LRRC46: variants seen among roughly 807,000 people sequenced by gnomAD.
The protein encoded by LRRC46 is leucine rich repeat containing 46.
A neutral mutation model predicts 28.0 loss-of-function variants in LRRC46; 20 were observed. That is an observed-to-expected ratio of 0.71 (90% CI 0.50 to 1.04). LRRC46 has a LOEUF of 1.04. Among genes scored for constraint, LRRC46 ranks in the 50% least tolerant of loss-of-function variants. The probability of loss-of-function intolerance (pLI) is 0.00; values close to 1 mark genes in which losing one functional copy is unlikely to be tolerated. For synonymous variants in LRRC46, 156 were observed against 158.8 expected, an observed-to-expected ratio of 0.98 and a Z score of 0.13; for missense variants, 315 against 390.1, an observed-to-expected ratio of 0.81 and a Z score of 1.62.
At position 47,836,322 on chromosome 17, in the gene LRRC46, C is replaced by CG; in HGVS notation, c.453-11_453-10insG. The stretch of plus-strand genomic sequence containing the variant: ...CCCTCCTGGGTAACCTCTGCTCCTT[C>CG]TGCTCTGCAGCGAGCTGGTGACAGA... On this transcript the variant is annotated splice_polypyrimidine_tract_variant and intron_variant, in intron 6 of 7. Transcript: ENST00000269025. The surrounding 1 kb of genome is among the most constrained non-coding windows in gnomAD (Gnocchi z 5.8). 2 of 1,613,490 alleles carry CG rather than the reference C, an allele frequency of 1.2e-6. No homozygotes were observed. The highest frequency in any genetic ancestry group is 1.7e-6 in the Non-Finnish European group (2 of 1,179,898).
At chr17:47,834,318 C>A in intron 2 of LRRC46, 107 bp from the exon 3 acceptor site, 1 of 869,088 alleles carries the variant, frequency 1.2e-6, no homozygotes, top group Non-Finnish European at 1.8e-6. Context: ...AATGACTCAG[C>A]CAACTACCCC....
Position 47,835,761 on chromosome 17 carries a change from A to C in LRRC46, c.368A>C (p.Glu123Ala), listed in dbSNP as rs1166414815. The C allele has an allele frequency of 6.2e-7, 1 of 1,614,022 alleles. No individual in the cohort carries two copies. The highest frequency in any genetic ancestry group is 1.3e-5 in the African/African-American group (1 of 74,932). ...CTGGACCTTTCTGAGAACCTGATAG[A>C]AACATTGAAGCTGGGTAGGAACCCA... ...QFLDLSENLI[E>A]TLKLDEFPQS... Residue 123 changes from glutamate to alanine, a missense_variant, in exon 5 of 8, where the codon GAA becomes GCA. By Grantham distance (107) the Glu-to-Ala change is moderately radical (BLOSUM62 -1). Coordinates refer to ENST00000269025, the MANE Select transcript of LRRC46 (RefSeq NM_033413.4).
chr17:47,831,779 C>A lies in LRRC46; in HGVS notation c.-211C>A. 1 of 672,398 alleles carries A rather than the reference C, an allele frequency of 1.5e-6. No individual in the cohort carries two copies. The highest frequency in any genetic ancestry group is 2.6e-6 in the Non-Finnish European group (1 of 391,154). 41.7% of individuals were successfully genotyped at this position (672,398 alleles called of 1,614,324 possible). On this transcript the variant is annotated 5_prime_UTR_variant, in exon 1 of 8. Transcript: ENST00000269025. Reference sequence around the variant, plus strand: ...TTGCTGCCAGCAAAGCCCCTCCACACCCCTCAAACTCCAGACCCTTCACAT... The same window carrying A: ...TTGCTGCCAGCAAAGCCCCTCCACAACCCTCAAACTCCAGACCCTTCACAT...
At position 47,835,433 on chromosome 17, in the gene LRRC46, G is replaced by A. The variant is rs375116630; in HGVS notation, c.272+34G>A. 26 of 1,612,188 alleles carry A rather than the reference G, an allele frequency of 1.6e-5. No homozygotes were observed. In the African/African-American group the frequency reaches 3.5e-4, roughly 22 times the overall value. On this transcript the variant is annotated intron_variant, in intron 4 of 7. Coordinates refer to ENST00000269025, the MANE Select transcript of LRRC46 (RefSeq NM_033413.4). ...TGCCAGGGCTCAGGCAGGGGAAGAG[G>A]GGTTGGGGGAACCTAGCCATATCCC...
Position 47,832,202 on chromosome 17 carries a change from A to C in LRRC46, c.113A>C (p.Lys38Thr), listed in dbSNP as rs1338389769. The change falls in exon 2 of 8, where the codon AAG becomes ACG. Residue 38 changes from lysine to threonine, a missense_variant. Lys to Thr is a moderately conservative substitution (Grantham distance 78). Transcript: ENST00000269025. ...CCTGAAGATGGGGAACTGTCAGAGA[A>C]GATGTGAGTGCATGGGGGAGAAAAG... ...TFPEDGELSE[K>T]MFHTLDELQT... The C allele has an allele frequency of 6.3e-7, 1 of 1,587,324 alleles. No homozygotes were observed. The highest frequency in any genetic ancestry group is 8.6e-7 in the Non-Finnish European group (1 of 1,164,792).
rs201308324 is a variant in LRRC46, at chr17:47,832,172, C to G, written c.83C>G (p.Thr28Ser). ...TEALITKRNL[T>S]FPEDGELSEK... ...GCCCTTATCACTAAGCGGAACTTGACTTTCCCTGAAGATGGGGAACTGTCA... is the reference window on the plus strand; with the variant it reads ...GCCCTTATCACTAAGCGGAACTTGAGTTTCCCTGAAGATGGGGAACTGTCA... Residue 28 changes from threonine (T) to serine (S), a missense_variant, in exon 2 of 8, where the codon ACT (threonine) becomes AGT (serine). Transcript: ENST00000269025. The G allele has an allele frequency of 5.7e-5, 91 of 1,601,718 alleles. No individual in the cohort carries two copies. The Middle Eastern group carries it at 2.5e-3, about 44-fold the overall frequency.
At chr17:47,834,014 G>T (rs1003885174) in intron 2 of LRRC46, 2 of 988,980 alleles carry the variant, frequency 2.0e-6, no homozygotes, top group African/African-American at 3.5e-5. Flanking sequence ...GATGGAACAA[G>T]TGCTTTTTTC....
Position 47,832,170 on chromosome 17 carries a change from G to C in LRRC46, c.81G>C (p.Leu27Phe), listed in dbSNP as rs1426369751. The part of the protein sequence containing the change: ...ITEALITKRN[L>F]TFPEDGELSE... Reference sequence around the variant, plus strand: ...AAGCCCTTATCACTAAGCGGAACTTGACTTTCCCTGAAGATGGGGAACTGT... The same window carrying C: ...AAGCCCTTATCACTAAGCGGAACTTCACTTTCCCTGAAGATGGGGAACTGT... Residue 27 changes from leucine (L) to phenylalanine (F), a missense_variant, in exon 2 of 8, where the codon TTG becomes TTC. Leu to Phe is a conservative substitution (Grantham distance 22). Transcript: ENST00000269025. 1 of 1,601,458 alleles carries C rather than the reference G, an allele frequency of 6.2e-7. No homozygotes were observed. Among genetic ancestry groups the C allele is most frequent in the Admixed American group, 1.7e-5 (1 of 58,330 alleles).
rs141535404 is a variant in LRRC46, at chr17:47,835,237, C to T, written c.226-116C>T. ...GTTCAAGGAGTGGGGTGATCATTCC[C>T]AAAGTGCCAGATCTCCAGCTGCAGA... On this transcript the variant is annotated intron_variant, in intron 3 of 7. Coordinates refer to ENST00000269025, the MANE Select transcript of LRRC46 (RefSeq NM_033413.4). 2.8e-4 allele frequency: 300 copies of T among 1,074,170 alleles called. 1 individual carries two copies. In the African/African-American group the frequency reaches 4.2e-3, roughly 15 times the overall value. The allele number at this position is 1,074,170 out of a possible 1,614,324, so 66.5% of individuals were successfully genotyped here.
Position 47,836,326 on chromosome 17 carries a change from T to TG in LRRC46, c.453-7_453-6insG. 1.2e-6 allele frequency: 2 copies of TG among 1,613,524 alleles called. No individual in the cohort carries two copies. The highest frequency in any genetic ancestry group is 1.7e-6 in the Non-Finnish European group (2 of 1,179,940). On this transcript the variant is annotated splice_polypyrimidine_tract_variant and splice_region_variant and intron_variant, in intron 6 of 7. Coordinates refer to ENST00000269025, the MANE Select transcript of LRRC46 (RefSeq NM_033413.4). This position sits in a 1 kb window ranked among gnomAD's most constrained non-coding sequence, Gnocchi z 5.8. Reference sequence around the variant, plus strand: ...CCTGGGTAACCTCTGCTCCTTCTGCTCTGCAGCGAGCTGGTGACAGAAGCC... The same window carrying TG: ...CCTGGGTAACCTCTGCTCCTTCTGCTGCTGCAGCGAGCTGGTGACAGAAGCC...
rs35268915 is a variant in LRRC46, at chr17:47,833,448, A to ATT, written c.117-960_117-959dup. Among the ~76,000 whole-genome samples, 236 of 118,674 alleles carry ATT rather than the reference A, an allele frequency of 2.0e-3. 2 individuals are homozygous for ATT. Among genetic ancestry groups the ATT allele is most frequent in the Non-Finnish European group, 3.1e-3 (183 of 58,196 alleles). The allele number at this position is 118,674 out of a possible 152,430, so 77.9% of individuals were successfully genotyped here. A position where few individuals can be genotyped will look rare whatever the true frequency, so the allele number is the denominator to read the frequency against. On this transcript the variant is annotated intron_variant, in intron 2 of 7. Transcript: ENST00000269025. The stretch of plus-strand genomic sequence containing the variant: ...GTCATAGATGTTTGGCCTTCTTCCT[A>ATT]TTTTTTTTTTTTTTTTTTGAGACGG...
At chr17:47,832,451 G>A (rs1241228559) in intron 2 of LRRC46, among the ~76,000 whole-genome samples, 1 of 152,186 alleles carries the variant, frequency 6.6e-6, no homozygotes, top group African/African-American at 2.4e-5. Flanking sequence ...ACTTTGGGAG[G>A]CTGAGGCAGG....
rs776755656 is a variant in LRRC46 at position 47,835,291 on chromosome 17, G to A, written c.226-62G>A. On this transcript the variant is annotated intron_variant, in intron 3 of 7. Transcript: ENST00000269025. Reference sequence around the variant, plus strand: ...GACATGGTCTTGGGGCTTTGTCCCCGTAAAGGGCCCCTGACGCATCTGATC... The same window carrying A: ...GACATGGTCTTGGGGCTTTGTCCCCATAAAGGGCCCCTGACGCATCTGATC... The A allele has an allele frequency of 2.6e-5, 41 of 1,566,092 alleles. No homozygotes were observed. The African/African-American group carries it at 2.7e-4, about 10-fold the overall frequency.
chr17:47,837,515 T>A lies in LRRC46; in HGVS notation c.*395T>A. ...AAGGACCAAGGAGCTGTGGTCCTAG[T>A]CATCCCCAACAGCAGCCAGCTCCTG... On this transcript the variant is annotated 3_prime_UTR_variant, in exon 8 of 8. Transcript: ENST00000269025. The A allele has an allele frequency of 2.5e-6, 1 of 407,028 alleles. No individual in the cohort carries two copies. The highest frequency in any genetic ancestry group is 2.1e-5 in the African/African-American group (1 of 47,072). The allele number at this position is 407,028 out of a possible 1,614,324, so 25.2% of individuals were successfully genotyped here. A position where few individuals can be genotyped will look rare whatever the true frequency, so the allele number is the denominator to read the frequency against.
At chr17:47,834,897 T>TTGG (rs963233280) in intron 3 of LRRC46, 17 of 226,094 alleles carry the variant, frequency 7.5e-5, no homozygotes, top group African/African-American at 3.5e-4. Context: ...TGAAGGCTGT[T>TTGG]TGGTGGTGGT....
rs1356859974 is a variant in LRRC46 at position 47,831,730 on chromosome 17, C to T, written c.-260C>T. On this transcript the variant is annotated 5_prime_UTR_variant, in exon 1 of 8. Coordinates refer to ENST00000269025, the MANE Select transcript of LRRC46 (RefSeq NM_033413.4). ...TCCTAGGAACTGCTCCTTTCTCAAC[C>T]ATTCCTGCCCACAACACCCCAGCTT... 1 of 638,204 alleles carries T rather than the reference C, an allele frequency of 1.6e-6. No homozygotes were observed. Among genetic ancestry groups the T allele is most frequent in the African/African-American group, 1.8e-5 (1 of 54,428 alleles). The allele number at this position is 638,204 out of a possible 1,614,324, so 39.5% of individuals were successfully genotyped here.
chr17:47,833,936 G>A (rs2033665425), intron 2 of LRRC46: 1 of 985,456 alleles, frequency 1.0e-6, no homozygotes, highest in South Asian at 4.7e-5. Flanking sequence ...TTTATTAGTG[G>A]TGGGCAGAGA....
intron 5 of LRRC46, 125 bp downstream of exon 5, chr17:47,835,900 G>T: frequency 7.7e-7 from 1 of 1,300,872 alleles, no homozygotes; most frequent in South Asian, 1.2e-5. Flanking sequence ...TCCTCAGGGA[G>T]TTCAAGGGGT....
intron 4 of LRRC46, 82 bp downstream of exon 4, chr17:47,835,481 C>A: frequency 1.3e-6 from 2 of 1,544,764 alleles, no homozygotes; most frequent in Admixed American, 1.7e-5. Context: ...CAGATTTCTC[C>A]AAGCCTGGGT....
Sources: gnomAD v4.1 joint callset for allele counts (sites outside exome capture counted in the v4.1 genomes callset) on GRCh38, gnomAD v4.1.1 for gene constraint, Gnocchi (gnomAD v3.1) non-coding constraint, MANE v1.5 for transcripts, NCBI Gene and HGNC (gene_info 2026-07-23, HGNC 2026-07-21) for gene names.